Variants in DNAJC1 observed in about 807,000 individuals in gnomAD.
The protein encoded by DNAJC1 is dnaJ homolog subfamily C member 1.
Under a neutral mutation model 76.6 loss-of-function variants are expected in DNAJC1, and 58 were observed. The ratio of observed to expected loss-of-function variants is 0.76; its 90% confidence interval spans 0.61 to 0.94. DNAJC1 has a LOEUF of 0.94. DNAJC1 is among the 40% of genes least tolerant of loss of function. The pLI, the probability that DNAJC1 is intolerant of heterozygous loss-of-function variation, is 0.00. For synonymous variants in DNAJC1, 258 were observed against 267.9 expected, an observed-to-expected ratio of 0.96 and a Z score of 0.36; for missense variants, 689 against 677.3, an observed-to-expected ratio of 1.02 and a Z score of -0.19.
intron 10 of DNAJC1, among the ~76,000 whole-genome samples, chr10:21,764,629 C>G (rs1471179652): frequency 6.6e-6 from 1 of 152,212 alleles, no homozygotes; most frequent in Admixed American, 6.5e-5. Flanking sequence ...TTCAGAAGCA[C>G]AGCTTTATGG....
At chr10:21,869,135 T>C (rs1173454741) in intron 8 of DNAJC1, among the ~76,000 whole-genome samples, 1 of 147,604 alleles carries the variant, frequency 6.8e-6, no homozygotes, top group Non-Finnish European at 1.5e-5. Context: ...TTCTGGAGAA[T>C]ATGACACCTT....
intron 9 of DNAJC1, among the ~76,000 whole-genome samples, chr10:21,783,563 T>C (rs1368373539): frequency 2.0e-5 from 3 of 152,148 alleles, no homozygotes; most frequent in Admixed American, 2.0e-4. Context: ...TTAAAGTTCA[T>C]ATGGAACCAA....
intron 8 of DNAJC1, among the ~76,000 whole-genome samples, chr10:21,863,502 G>A (rs1835949465): frequency 6.6e-6 from 1 of 151,712 alleles, no homozygotes; most frequent in Non-Finnish European, 1.5e-5. Context: ...TGTTCTATAA[G>A]GTCAATATCA....
At chr10:21,768,357 T>G (rs1435181852) in intron 9 of DNAJC1, among the ~76,000 whole-genome samples, 1 of 152,218 alleles carries the variant, frequency 6.6e-6, no homozygotes, top group Non-Finnish European at 1.5e-5. Flanking sequence ...GCATGATCAT[T>G]AAGAGCCGAG....
intron 1 of DNAJC1, among the ~76,000 whole-genome samples, chr10:21,991,314 T>C (rs906470255): frequency 6.6e-6 from 1 of 152,108 alleles, no homozygotes; most frequent in African/African-American, 2.4e-5. Context: ...TAAAATATAA[T>C]AGATGAGCTA....
At chr10:21,885,567 T>TACTCG (rs1836356137) in intron 7 of DNAJC1, among the ~76,000 whole-genome samples, 3 of 152,152 alleles carry the variant, frequency 2.0e-5, no homozygotes, top group Non-Finnish European at 2.9e-5. Flanking sequence ...GCACATACTC[T>TACTCG]AAAATTGATC....
chr10:21,830,379 A>G (rs1253452228), intron 8 of DNAJC1, among the ~76,000 whole-genome samples: 3 of 152,190 alleles, frequency 2.0e-5, no homozygotes, highest in South Asian at 2.1e-4. Flanking sequence ...TAAAATGCTA[A>G]GTTGACAATG....
At chr10:21,899,425 C>A (rs1471948194) in intron 7 of DNAJC1, among the ~76,000 whole-genome samples, 1 of 152,214 alleles carries the variant, frequency 6.6e-6, no homozygotes, top group Non-Finnish European at 1.5e-5. Flanking sequence ...CAGCAACAGG[C>A]TGGAGTCTAC....
chr10:21,760,239 C>A (rs1021379467), intron 10 of DNAJC1, among the ~76,000 whole-genome samples: 1 of 152,174 alleles, frequency 6.6e-6, no homozygotes, highest in Non-Finnish European at 1.5e-5. Context: ...GCTATGATCA[C>A]GCCACTGTGC....
intron 9 of DNAJC1, among the ~76,000 whole-genome samples, chr10:21,777,531 C>T (rs1834467226): frequency 6.6e-6 from 1 of 152,200 alleles, no homozygotes; most frequent in African/African-American, 2.4e-5. Context: ...TGTCTCAGGA[C>T]ATGAAACACC....
intron 3 of DNAJC1, among the ~76,000 whole-genome samples, chr10:21,923,886 T>A (rs1422353561): frequency 6.6e-6 from 1 of 151,982 alleles, no homozygotes; most frequent in African/African-American, 2.4e-5. Flanking sequence ...TTTAAAACGT[T>A]ACAATTTTTT....
rs1416424371 is a variant in DNAJC1 at position 21,759,234 on chromosome 10, T to C, written c.1532A>G (p.Gln511Arg). ...QQKLLELALQ[Q>R]YPRGSSDRWD... ...GCGGTCAGAGGATCCCCTTGGGTACTGCTGCAACGCCAGTTCCAGAAGTTT... is the reference window on the plus strand; with the variant it reads ...GCGGTCAGAGGATCCCCTTGGGTACCGCTGCAACGCCAGTTCCAGAAGTTT... Residue 511 changes from glutamine to arginine, a missense_variant, in exon 11 of 12, where the codon CAG becomes CGG. Transcript: ENST00000376980. 3 of 1,614,238 alleles carry C rather than the reference T, an allele frequency of 1.9e-6. No individual in the cohort carries two copies. Among genetic ancestry groups the C allele is most frequent in the Admixed American group, 1.7e-5 (1 of 60,024 alleles).
At chr10:21,919,636 G>A (rs1340885682) in intron 5 of DNAJC1, among the ~76,000 whole-genome samples, 196 bp downstream of exon 5, 2 of 151,822 alleles carry the variant, frequency 1.3e-5, no homozygotes, top group African/African-American at 4.8e-5. Context: ...CACTTTATAT[G>A]GGGGAAAAAA....
intron 9 of DNAJC1, among the ~76,000 whole-genome samples, chr10:21,801,072 T>A (rs976439957): frequency 6.6e-6 from 1 of 152,042 alleles, no homozygotes; most frequent in African/African-American, 2.4e-5. Flanking sequence ...AGCTGTAAAA[T>A]AGGGAAAAAT....
intron 8 of DNAJC1, among the ~76,000 whole-genome samples, chr10:21,837,321 C>T (rs945998424): frequency 6.6e-6 from 1 of 152,226 alleles, no homozygotes; most frequent in Admixed American, 6.5e-5. Context: ...GCAGCCTCTG[C>T]CCGGCCGCCA....
intron 7 of DNAJC1, among the ~76,000 whole-genome samples, chr10:21,883,608 G>A (rs1470022908): frequency 6.6e-6 from 1 of 151,928 alleles, no homozygotes; most frequent in African/African-American, 2.4e-5. Flanking sequence ...TCATGGCTTA[G>A]CCTAGTCTAC....
At chr10:21,949,064 G>A (rs1315120836) in intron 1 of DNAJC1, among the ~76,000 whole-genome samples, 1 of 152,094 alleles carries the variant, frequency 6.6e-6, no homozygotes, top group African/African-American at 2.4e-5. Context: ...TTAAAAATCT[G>A]TATGTATATT....
chr10:21,839,426 C>T (rs372603943), intron 8 of DNAJC1, among the ~76,000 whole-genome samples: 2 of 152,172 alleles, frequency 1.3e-5, no homozygotes, highest in Non-Finnish European at 2.9e-5. Context: ...GATATCACCA[C>T]TGATCCCACA....
intron 8 of DNAJC1, among the ~76,000 whole-genome samples, chr10:21,830,143 T>C (rs145520026): frequency 8.6e-4 from 131 of 152,340 alleles, no homozygotes; most frequent in African/African-American, 3.1e-3. Flanking sequence ...TTACAATACT[T>C]GCTTTTACAG....
Sources: allele counts gnomAD v4.1 joint callset (sites outside exome capture counted in the v4.1 genomes callset), GRCh38; gene constraint gnomAD v4.1.1; transcripts MANE v1.5; gene names NCBI Gene and HGNC (gene_info 2026-07-23, HGNC 2026-07-21).